RNF216: variants seen among roughly 807,000 people sequenced by gnomAD.
The protein encoded by RNF216 is E3 ubiquitin-protein ligase RNF216.
RNF216 carries 72 observed loss-of-function variants against 110.8 expected under a neutral mutation model. That is an observed-to-expected ratio of 0.65 (90% CI 0.54 to 0.79). The LOEUF (loss-of-function observed/expected upper bound fraction) is 0.79. RNF216 is among the 30% of genes least tolerant of loss of function. RNF216 has a pLI of 0.00. For synonymous variants in RNF216, 495 were observed against 407.5 expected (o/e 1.21, Z -2.59); for missense variants, 1,342 against 1,141.2 (o/e 1.18, Z -2.54).
At chr7:5,731,423 T>C (rs1461804754) in intron 5 of RNF216, among the ~76,000 whole-genome samples, 1 of 151,796 alleles carries the variant, frequency 6.6e-6, no homozygotes, top group Non-Finnish European at 1.5e-5. Flanking sequence ...ACAGACTCTC[T>C]TCACACAAAA....
chr7:5,668,672 A>T (rs1425292071), intron 13 of RNF216, among the ~76,000 whole-genome samples: 6 of 152,224 alleles, frequency 3.9e-5, no homozygotes, highest in African/African-American at 1.4e-4. Context: ...GATAAAAAGT[A>T]TAGGTGGGAG....
chr7:5,702,568 T>C (rs1024385649), intron 13 of RNF216, among the ~76,000 whole-genome samples: 5 of 152,124 alleles, frequency 3.3e-5, no homozygotes, highest in African/African-American at 1.2e-4. Context: ...TTTATTATTT[T>C]TCTTCTTCTT....
At chr7:5,651,734 C>G (rs778352880) in intron 14 of RNF216, among the ~76,000 whole-genome samples, 1 of 151,876 alleles carries the variant, frequency 6.6e-6, no homozygotes, top group Non-Finnish European at 1.5e-5. Flanking sequence ...CTGCAACCTC[C>G]GCCTCCCGGG....
intron 11 of RNF216, among the ~76,000 whole-genome samples, chr7:5,714,444 G>T (rs1011237172): frequency 6.6e-6 from 1 of 152,044 alleles, no homozygotes; most frequent in African/African-American, 2.4e-5. Context: ...TTTTAGTAGA[G>T]ATGGGGTTTC....
chr7:5,688,649 G>A (rs540336087), intron 13 of RNF216, among the ~76,000 whole-genome samples: 16 of 152,236 alleles, frequency 1.1e-4, no homozygotes, highest in African/African-American at 3.6e-4. Context: ...CTCACTCTGC[G>A]CACCTTACCT....
intron 13 of RNF216, among the ~76,000 whole-genome samples, chr7:5,652,850 G>A (rs1438180889): frequency 1.3e-5 from 2 of 152,038 alleles, no homozygotes; most frequent in African/African-American, 2.4e-5. Context: ...TTAGAAGGAC[G>A]CACAAGGAAA....
chr7:5,713,966 G>A (rs968938438), intron 11 of RNF216, among the ~76,000 whole-genome samples: 9 of 152,178 alleles, frequency 5.9e-5, no homozygotes, highest in South Asian at 2.1e-4. Flanking sequence ...CATTCTGCTT[G>A]ACTCCAAAGG....
chr7:5,706,377 C>T (rs914054658), intron 13 of RNF216, among the ~76,000 whole-genome samples: 5 of 152,192 alleles, frequency 3.3e-5, no homozygotes, highest in Non-Finnish European at 7.3e-5. Context: ...TGCACAGTGA[C>T]TCCCCACTTT....
chr7:5,728,411 CTT>C (rs1400643640), intron 7 of RNF216, among the ~76,000 whole-genome samples: 1 of 151,928 alleles, frequency 6.6e-6, no homozygotes, highest in East Asian at 1.9e-4. Context: ...GAAACCCCAT[CTT>C]TACTAAAAAT....
chr7:5,728,493 G>C (rs1482677728), intron 7 of RNF216, among the ~76,000 whole-genome samples: 1 of 151,880 alleles, frequency 6.6e-6, no homozygotes, highest in Non-Finnish European at 1.5e-5. Context: ...AGAATTGCTT[G>C]AACTGGGGAG....
intron 13 of RNF216, among the ~76,000 whole-genome samples, chr7:5,652,788 C>T (rs1163223394): frequency 1.3e-5 from 2 of 151,258 alleles, no homozygotes; most frequent in South Asian, 2.1e-4. Context: ...AGACCCTGTC[C>T]CTTAAAAAAA....
chr7:5,661,286 G>C (rs1789121552), intron 13 of RNF216, among the ~76,000 whole-genome samples: 1 of 151,962 alleles, frequency 6.6e-6, no homozygotes, highest in South Asian at 2.1e-4. Flanking sequence ...CTATTGCCCA[G>C]TCAGTGGCGC....
rs566436476 is a variant in RNF216 at position 5,744,814 on chromosome 7, A to G, written c.202-2999T>C. ...ATGGTGAAACCCCATCTCTACTAAA[A>G]CTACAAAATTAGCTGGGAGTGGTAG... On this transcript the variant is annotated intron_variant, in intron 3 of 16. Coordinates refer to ENST00000389902, the MANE Select transcript of RNF216 (RefSeq NM_207111.4). Among the ~76,000 whole-genome samples the G allele has an allele frequency of 3.3e-5, 5 of 152,086 alleles. No homozygotes were observed. The South Asian group carries it at 1.0e-3, about 32-fold the overall frequency.
At chr7:5,780,661 C>A (rs1797030976) in intron 1 of RNF216, among the ~76,000 whole-genome samples, 1 of 151,798 alleles carries the variant, frequency 6.6e-6, no homozygotes, top group African/African-American at 2.4e-5. Context: ...GCCGGGATCG[C>A]GCCACTGCAC....
chr7:5,763,539 A>T (rs1796039660), intron 1 of RNF216, among the ~76,000 whole-genome samples: 1 of 152,116 alleles, frequency 6.6e-6, no homozygotes, highest in Admixed American at 6.6e-5. Context: ...CTGAGGCAGG[A>T]GAATAACTTG....
intron 13 of RNF216, among the ~76,000 whole-genome samples, chr7:5,657,250 C>T (rs1257586749): frequency 6.6e-6 from 1 of 152,218 alleles, no homozygotes; most frequent in African/African-American, 2.4e-5. Flanking sequence ...GAAATTTCAG[C>T]TCTCTGTTCT....
chr7:5,641,371 T>A lies in RNF216; in HGVS notation c.2165A>T (p.Glu722Val). The change falls in exon 15 of 17, where the codon GAA (glutamate) becomes GTA (valine). Residue 722 changes from glutamate to valine, a missense_variant. Transcript: ENST00000389902. ...TCTAATGCGGGCAGCAGTCATTTTT[T>A]CTTCACTGAAATAAGAAAACATAAT... The part of the protein sequence containing the change: ...DDIKYRTSIE[E>V]KMTAARIRKC... The A allele has an allele frequency of 6.2e-7, 1 of 1,612,028 alleles. No individual in the cohort carries two copies. Among genetic ancestry groups the A allele is most frequent in the Non-Finnish European group, 8.5e-7 (1 of 1,178,460 alleles).
chr7:5,774,459 A>T (rs1040606364), intron 1 of RNF216, among the ~76,000 whole-genome samples: 11 of 152,180 alleles, frequency 7.2e-5, no homozygotes, highest in Non-Finnish European at 1.3e-4. Context: ...CATTAATTTT[A>T]AAAAATAAAA....
intron 13 of RNF216, among the ~76,000 whole-genome samples, chr7:5,658,536 T>C (rs1419687811): frequency 6.8e-6 from 1 of 147,048 alleles, no homozygotes; most frequent in East Asian, 2.0e-4. Flanking sequence ...TATGTGCCTG[T>C]AGTCTCAGCT....
Sources: allele counts gnomAD v4.1 joint callset (sites outside exome capture counted in the v4.1 genomes callset), GRCh38; gene constraint gnomAD v4.1.1; transcripts MANE v1.5; gene names NCBI Gene and HGNC (gene_info 2026-07-23, HGNC 2026-07-21).